ODR4: variants seen among roughly 807,000 people sequenced by gnomAD.
The protein encoded by ODR4 is protein odr-4 homolog.
A neutral mutation model predicts 60.2 loss-of-function variants in ODR4; 47 were observed. That is an observed-to-expected ratio of 0.78 (90% CI 0.62 to 1.00). ODR4 has a LOEUF of 1.00. ODR4 is among the 50% of genes least tolerant of loss of function. The pLI, the probability that ODR4 is intolerant of heterozygous loss-of-function variation, is 0.00. For synonymous variants in ODR4, 178 were observed against 175.5 expected (o/e 1.01, Z -0.11); for missense variants, 488 against 530.8 (o/e 0.92, Z 0.79).
chr1:186,417,363 G>T (rs375394720), intron 12 of ODR4, 181 bp from the exon 13 acceptor site: 1 of 550,204 alleles, frequency 1.8e-6, no homozygotes, highest in Middle Eastern at 5.1e-4. Context: ...TTAATTTGAC[G>T]TATATTCTAT....
intron 12 of ODR4, among the ~76,000 whole-genome samples, chr1:186,407,064 A>G (rs1398680331): frequency 6.6e-6 from 1 of 152,188 alleles, no homozygotes; most frequent in Non-Finnish European, 1.5e-5. Context: ...TCAAATCTAT[A>G]GTAAACTGCC....
At chr1:186,422,422 C>T (rs925946885), downstream of ODR4, among the ~76,000 whole-genome samples, 1 of 152,042 alleles carries the variant, frequency 6.6e-6, no homozygotes, top group East Asian at 1.9e-4. Context: ...TTAGTGAAAG[C>T]ATTTTAATGT....
chr1:186,409,276 C>T (rs1262384212), intron 12 of ODR4, among the ~76,000 whole-genome samples: 1 of 152,052 alleles, frequency 6.6e-6, no homozygotes, highest in Non-Finnish European at 1.5e-5. Context: ...ATGACAGCCT[C>T]CCAAAACCAA....
chr1:186,385,071 A>C (rs1336921272), intron 3 of ODR4, among the ~76,000 whole-genome samples: 3 of 152,076 alleles, frequency 2.0e-5, no homozygotes, highest in African/African-American at 7.2e-5. Flanking sequence ...AAACCTTAAA[A>C]ATATGTATAA....
rs140766767 is a variant in ODR4, at chr1:186,400,373, G to A, written c.1000+1329G>A. On this transcript the variant is annotated intron_variant, in intron 11 of 13. Transcript: ENST00000287859. ...TAATTGAAACATTCATATTAGCTTC[G>A]GGTTCCAGCAATTCTCCTGCCTCAG... 3.3e-3 allele frequency among the ~76,000 whole-genome samples: 508 copies of A among 151,738 alleles called. 2 individuals carry two copies. The highest frequency in any genetic ancestry group is 0.01 in the Middle Eastern group (3 of 294).
At position 186,404,774 on chromosome 1, in the gene ODR4, G is replaced by A. The variant is rs115017317; in HGVS notation, c.1001-1309G>A. On this transcript the variant is annotated intron_variant, in intron 11 of 13. Transcript: ENST00000287859. ...AGGCATTGTTCGTCATCTTCTGTTT[G>A]TAATTATGTAAAGTTACCACTAGTT... 3.1e-3 allele frequency among the ~76,000 whole-genome samples: 470 copies of A among 152,238 alleles called. 4 individuals are homozygous for A. The highest frequency in any genetic ancestry group is 0.011 in the African/African-American group (458 of 41,540).
In ODR4 at chr1:186,375,929, A is replaced by G; in HGVS notation, c.-65A>G. The G allele has an allele frequency of 4.6e-6, 1 of 218,016 alleles. No individual in the cohort carries two copies. The allele number at this position is 218,016 out of a possible 1,614,324, so 13.5% of individuals were successfully genotyped here. A position where few individuals can be genotyped will look rare whatever the true frequency, so the allele number is the denominator to read the frequency against. Reference sequence around the variant, plus strand: ...CGAAACCCCCATCTCCGGCGGAGAGACCGTCCGAGGTAATTGTCTGCCACG... The same window carrying G: ...CGAAACCCCCATCTCCGGCGGAGAGGCCGTCCGAGGTAATTGTCTGCCACG... On this transcript the variant is annotated 5_prime_UTR_variant, in exon 1 of 14. Transcript: ENST00000287859.
chr1:186,425,276 CATA>C (rs1244327692), downstream of ODR4, among the ~76,000 whole-genome samples: 1 of 152,130 alleles, frequency 6.6e-6, no homozygotes, highest in Non-Finnish European at 1.5e-5. Context: ...TTTTCTTTCC[CATA>C]TTCACCCAGC....
the ODR4 span, among the ~76,000 whole-genome samples, chr1:186,432,407 T>C: frequency 6.6e-6 from 1 of 152,216 alleles, no homozygotes; most frequent in Non-Finnish European, 1.5e-5. Context: ...AATGAGTTGA[T>C]AATTATTCTC....
intron 9 of ODR4, among the ~76,000 whole-genome samples, chr1:186,396,777 A>C (rs908447152): frequency 6.6e-6 from 1 of 152,116 alleles, no homozygotes; most frequent in Non-Finnish European, 1.5e-5. Context: ...ATACACACAT[A>C]CACATATATT....
intron 11 of ODR4, among the ~76,000 whole-genome samples, chr1:186,403,760 T>C (rs1400432250): frequency 6.6e-6 from 1 of 152,194 alleles, no homozygotes; most frequent in East Asian, 1.9e-4. Flanking sequence ...TTCTTCACTG[T>C]TATAAGTCTT....
chr1:186,386,809 G>T (rs529140875), intron 4 of ODR4, among the ~76,000 whole-genome samples: 1 of 152,256 alleles, frequency 6.6e-6, no homozygotes, highest in African/African-American at 2.4e-5. Flanking sequence ...CGGAGATCCT[G>T]AGAGTAAAAC....
downstream of ODR4, among the ~76,000 whole-genome samples, chr1:186,422,043 A>G (rs1661798265): frequency 6.6e-6 from 1 of 152,092 alleles, no homozygotes. Flanking sequence ...ATAGACAATT[A>G]CCCAATTAAA....
intron 1 of ODR4, among the ~76,000 whole-genome samples, chr1:186,377,316 A>G (rs935455187): frequency 1.3e-5 from 2 of 152,202 alleles, no homozygotes; most frequent in Non-Finnish European, 2.9e-5. Context: ...CTGACTATAT[A>G]CATTTTTAGT....
At position 186,398,435 on chromosome 1, in the gene ODR4, T is replaced by C; in HGVS notation, c.903T>C (p.Ala301=). ...GCAGTAAACCCAAAGTTAAAGATGC[T>C]GTGCAGGTACAAAAAGGAATAACGA... ...IHSSKPKVKD[A]VQAVKRDILN... is the part of the protein sequence containing the mutation. Residue 301 remains alanine (A), a synonymous_variant, in exon 10 of 14, where the codon GCT becomes GCC. Coordinates refer to ENST00000287859, the MANE Select transcript of ODR4 (RefSeq NM_017847.6). 2 of 1,604,866 alleles carry C rather than the reference T, an allele frequency of 1.2e-6. No individual in the cohort carries two copies. The highest frequency in any genetic ancestry group is 1.7e-6 in the Non-Finnish European group (2 of 1,175,336).
intron 11 of ODR4, among the ~76,000 whole-genome samples, chr1:186,403,276 G>A (rs1180092587): frequency 1.3e-5 from 2 of 151,790 alleles, no homozygotes; most frequent in African/African-American, 4.8e-5. Context: ...TGGATACATA[G>A]TAGGTATATA....
At chr1:186,418,050 A>G (rs974802175) in intron 13 of ODR4, among the ~76,000 whole-genome samples, 2 of 152,190 alleles carry the variant, frequency 1.3e-5, no homozygotes, top group Non-Finnish European at 2.9e-5. Context: ...TTTATATTTT[A>G]AAGGCTCTAA....
intron 11 of ODR4, among the ~76,000 whole-genome samples, chr1:186,402,238 T>TC (rs1165617149): frequency 3.4e-5 from 5 of 145,570 alleles, no homozygotes; most frequent in East Asian, 4.1e-4. Flanking sequence ...TTCTTTCCTT[T>TC]CTTTCTTTCT....
chr1:186,417,124 G>A (rs1191676517), intron 12 of ODR4, among the ~76,000 whole-genome samples: 8 of 151,798 alleles, frequency 5.3e-5, no homozygotes, highest in African/African-American at 7.2e-5. Context: ...CACCATGCCC[G>A]TCTAATTTTT....
Sources: allele counts gnomAD v4.1 joint callset (sites outside exome capture counted in the v4.1 genomes callset), GRCh38; gene constraint gnomAD v4.1.1; transcripts MANE v1.5; gene names NCBI Gene and HGNC (gene_info 2026-07-23, HGNC 2026-07-21).